EPHA4: variants seen among roughly 807,000 people sequenced by gnomAD.
EPHA4 encodes the protein ephrin type-A receptor 4.
In EPHA4, 19 loss-of-function variants were observed where a neutral mutation model predicts 108.3. That is an observed-to-expected ratio of 0.18 (90% CI 0.12 to 0.26). The LOEUF (loss-of-function observed/expected upper bound fraction) is 0.26. Among genes scored for constraint, EPHA4 ranks in the 10% least tolerant of loss-of-function variants. The pLI, the probability that EPHA4 is intolerant of heterozygous loss-of-function variation, is 1.00. For missense variants in EPHA4, 917 were observed against 1,254.0 expected (o/e 0.73, Z 4.06); for synonymous variants, 449 against 455.5 (o/e 0.99, Z 0.18).
At chr2:221,423,470 T>TG (rs1373823168) in intron 17 of EPHA4, among the ~76,000 whole-genome samples, 9 of 152,212 alleles carry the variant, frequency 5.9e-5, no homozygotes, top group African/African-American at 2.2e-4. Context: ...ACTTGGAAAG[T>TG]CCTTTTTTGG....
intron 5 of EPHA4, among the ~76,000 whole-genome samples, chr2:221,469,220 T>C (rs987610868): frequency 1.3e-5 from 2 of 152,200 alleles, no homozygotes; most frequent in African/African-American, 2.4e-5. Flanking sequence ...TTTTCATCAA[T>C]TTCCATTTCA....
chr2:221,528,823 G>C (rs1693417311), intron 3 of EPHA4, among the ~76,000 whole-genome samples: 1 of 152,010 alleles, frequency 6.6e-6, no homozygotes, highest in African/African-American at 2.4e-5. Context: ...TCACCAAATA[G>C]GCTACATTCC....
At chr2:221,459,549 C>CA (rs1354456968) in intron 5 of EPHA4, among the ~76,000 whole-genome samples, 1 of 150,944 alleles carries the variant, frequency 6.6e-6, no homozygotes, top group Non-Finnish European at 1.5e-5. Context: ...CCCCTTCTCC[C>CA]AACACACACA....
chr2:221,430,745 G>T (rs1403599395), intron 14 of EPHA4, among the ~76,000 whole-genome samples: 1 of 152,138 alleles, frequency 6.6e-6, no homozygotes, highest in Non-Finnish European at 1.5e-5. Flanking sequence ...CTTGGTCTCA[G>T]TTGGCTGTCA....
chr2:221,458,863 T>C (rs943132136), intron 5 of EPHA4, among the ~76,000 whole-genome samples: 1 of 152,192 alleles, frequency 6.6e-6, no homozygotes, highest in Non-Finnish European at 1.5e-5. Context: ...AAAGCATTCA[T>C]GAAATCCTTA....
intron 5 of EPHA4, among the ~76,000 whole-genome samples, chr2:221,462,798 A>C (rs139363985): frequency 8.5e-4 from 129 of 152,366 alleles, no homozygotes; most frequent in African/African-American, 3.0e-3. Context: ...TTCAAATGTA[A>C]GTTAACATTA....
intron 3 of EPHA4, among the ~76,000 whole-genome samples, chr2:221,504,566 G>T (rs1339587063): frequency 1.4e-5 from 2 of 147,140 alleles, no homozygotes; most frequent in African/African-American, 5.0e-5. Flanking sequence ...TATATATATG[G>T]CTATGTCATT....
At chr2:221,520,519 CACACACACACACACACACACACACAG>C (rs1173469051) in intron 3 of EPHA4, among the ~76,000 whole-genome samples, 1 of 94,822 alleles carries the variant, frequency 1.1e-5, no homozygotes, top group African/African-American at 6.0e-5. Flanking sequence ...CACACACACA[CACACACACACACACACACACACACAG>C]AGAGAGAGAG....
rs927858364 is a variant in EPHA4, at chr2:221,425,768, T to C, written c.*260A>G. 5 of 435,584 alleles carry C rather than the reference T, an allele frequency of 1.1e-5. No homozygotes were observed. In the Admixed American group the frequency reaches 1.9e-4, roughly 17 times the overall value. 27.0% of individuals were successfully genotyped at this position (435,584 alleles called of 1,614,324 possible). On this transcript the variant is annotated 3_prime_UTR_variant, in exon 17 of 18. Coordinates refer to ENST00000281821, the MANE Select transcript of EPHA4 (RefSeq NM_004438.5). ...TGTTCTATTTCTATAGGTACATGTA[T>C]TTTACAGACTGGTGATGAACAGAAA...
chr2:221,424,848 G>A (rs1689852424), intron 17 of EPHA4, among the ~76,000 whole-genome samples: 1 of 152,194 alleles, frequency 6.6e-6, no homozygotes, highest in Non-Finnish European at 1.5e-5. Flanking sequence ...TGTGCTTGCT[G>A]CCTGGTGCCC....
chr2:221,481,328 C>T (rs1691810662), intron 5 of EPHA4, among the ~76,000 whole-genome samples: 1 of 149,730 alleles, frequency 6.7e-6, no homozygotes, highest in South Asian at 2.2e-4. Flanking sequence ...CCCCACCCTC[C>T]GCCCCACCCT....
intron 4 of EPHA4, among the ~76,000 whole-genome samples, chr2:221,498,949 C>T (rs913428178): frequency 6.6e-6 from 1 of 151,758 alleles, no homozygotes; most frequent in African/African-American, 2.4e-5. Flanking sequence ...CACCACCACG[C>T]CTGTCTAATT....
intron 3 of EPHA4, among the ~76,000 whole-genome samples, chr2:221,521,766 A>T (rs1574631362): frequency 6.6e-6 from 1 of 152,130 alleles, no homozygotes; most frequent in Non-Finnish European, 1.5e-5. Flanking sequence ...CCTAAGATCA[A>T]GAGTTTGAGA....
At chr2:221,453,265 T>C (rs1690840196) in intron 8 of EPHA4, among the ~76,000 whole-genome samples, 1 of 152,216 alleles carries the variant, frequency 6.6e-6, no homozygotes. Context: ...TATCTGTTTT[T>C]AAACCTTTAA....
intron 3 of EPHA4, among the ~76,000 whole-genome samples, chr2:221,520,915 A>G (rs1426102518): frequency 2.0e-5 from 3 of 152,242 alleles, no homozygotes; most frequent in African/African-American, 7.2e-5. Context: ...TACACATTCA[A>G]TAAGTCTTTA....
intron 3 of EPHA4, among the ~76,000 whole-genome samples, chr2:221,536,903 C>T (rs1693689453): frequency 6.6e-6 from 1 of 152,150 alleles, no homozygotes; most frequent in Admixed American, 6.5e-5. Flanking sequence ...TTCACCAAGT[C>T]ATGGTGACAC....
chr2:221,453,641 T>C (rs574924697), intron 8 of EPHA4, among the ~76,000 whole-genome samples: 4 of 152,202 alleles, frequency 2.6e-5, no homozygotes, highest in African/African-American at 9.6e-5. Flanking sequence ...CTATATGTTT[T>C]TGTATGTGTG....
chr2:221,429,241 A>G (rs998363371), intron 15 of EPHA4, among the ~76,000 whole-genome samples: 2 of 152,236 alleles, frequency 1.3e-5, no homozygotes, highest in African/African-American at 2.4e-5. Flanking sequence ...AGTAAAGTCC[A>G]TTCTCCATGT....
chr2:221,422,781 G>A lies in EPHA4; in HGVS notation c.*820-2229C>T, dbSNP rs545320267. On this transcript the variant is annotated intron_variant, in intron 17 of 17. Transcript: ENST00000281821. ...AAAGGCTTGTTCCTTTGAGTCAGTC[G>A]TGATGACATCAAAATGTCTTTACCA... Among the ~76,000 whole-genome samples the A allele has an allele frequency of 8.4e-4, 128 of 152,258 alleles. 1 individual carries two copies. The highest frequency in any genetic ancestry group is 1.7e-3 in the Non-Finnish European group (117 of 68,016).
Sources: gnomAD v4.1 joint callset for allele counts (sites outside exome capture counted in the v4.1 genomes callset) on GRCh38, gnomAD v4.1.1 for gene constraint, MANE v1.5 for transcripts, NCBI Gene and HGNC (gene_info 2026-07-23, HGNC 2026-07-21) for gene names.